Variants in PTPRT observed in about 807,000 individuals in gnomAD.
PTPRT encodes the protein receptor-type tyrosine-protein phosphatase T.
Under a neutral mutation model 176.8 loss-of-function variants are expected in PTPRT, and 56 were observed. The ratio of observed to expected loss-of-function variants is 0.32; its 90% CI spans 0.26 to 0.40. The LOEUF (loss-of-function observed/expected upper bound fraction) is 0.40. Among genes scored for constraint, PTPRT ranks in the 10% least tolerant of loss-of-function variants. The pLI, the probability that PTPRT is intolerant of heterozygous loss-of-function variation, is 1.00. For synonymous variants in PTPRT, 783 were observed against 739.0 expected (o/e 1.06, Z -0.96); for missense variants, 1,540 against 1,908.2 (o/e 0.81, Z 3.60).
chr20:42,420,030 C>A (rs1184231745), intron 9 of PTPRT, among the ~76,000 whole-genome samples: 1 of 152,096 alleles, frequency 6.6e-6, no homozygotes, highest in Non-Finnish European at 1.5e-5. Flanking sequence ...GGGGTGGGGA[C>A]CTGCTGACAC....
chr20:43,181,888 G>A (rs1021180943), intron 1 of PTPRT, among the ~76,000 whole-genome samples: 1 of 152,176 alleles, frequency 6.6e-6, no homozygotes, highest in African/African-American at 2.4e-5. Flanking sequence ...TCTCAAGGAG[G>A]TCTGGAGGTG....
the PTPRT span, among the ~76,000 whole-genome samples, chr20:42,039,885 C>A: frequency 6.6e-6 from 1 of 151,656 alleles, no homozygotes; most frequent in Non-Finnish European, 1.5e-5. Context: ...GTAAATAGTG[C>A]TGCAATAAAC....
chr20:42,103,210 G>A (rs761076038), intron 25 of PTPRT, among the ~76,000 whole-genome samples: 2 of 152,170 alleles, frequency 1.3e-5, no homozygotes, highest in Admixed American at 1.3e-4. Context: ...TCATGTCCAG[G>A]CTCCCTAGAC....
At chr20:42,134,770 A>C (rs1383809253) in intron 18 of PTPRT, among the ~76,000 whole-genome samples, 2 of 152,106 alleles carry the variant, frequency 1.3e-5, no homozygotes, top group East Asian at 3.9e-4. Context: ...AATTCCTGAA[A>C]ATTTAACAAT....
chr20:43,159,690 C>T (rs1356837365), intron 1 of PTPRT, among the ~76,000 whole-genome samples: 2 of 152,194 alleles, frequency 1.3e-5, no homozygotes, highest in African/African-American at 4.8e-5. Flanking sequence ...CTGCAGAGCA[C>T]TCCTTCCATA....
rs754582666 is a variant in PTPRT, at chr20:43,028,377, G to A, written c.89-142445C>T. Among the ~76,000 whole-genome samples the A allele has an allele frequency of 7.2e-5, 11 of 151,972 alleles. 1 individual carries two copies. The highest frequency in any genetic ancestry group is 1.0e-4 in the Non-Finnish European group (7 of 67,990). On this transcript the variant is annotated intron_variant, in intron 1 of 30. Coordinates refer to ENST00000373187, the MANE Select transcript of PTPRT (RefSeq NM_007050.6). ...CAATATTTTCCTAGTAACAAACTTG[G>A]TTCCCCTCCCACCTCCCAACTTCCC...
At chr20:42,470,244 T>C (rs2071169678) in intron 8 of PTPRT, among the ~76,000 whole-genome samples, 1 of 152,162 alleles carries the variant, frequency 6.6e-6, no homozygotes, top group African/African-American at 2.4e-5. Context: ...ACTGAAATTT[T>C]ACCTCTGAAT....
chr20:42,533,096 G>A (rs964481767), intron 7 of PTPRT, among the ~76,000 whole-genome samples: 1 of 152,088 alleles, frequency 6.6e-6, no homozygotes, highest in Non-Finnish European at 1.5e-5. Context: ...TCTTCCCTCC[G>A]CCAGGTTGCC....
At chr20:42,081,814 G>A (rs1983352543) in intron 30 of PTPRT, 68 bp downstream of exon 30, 2 of 1,565,426 alleles carry the variant, frequency 1.3e-6, no homozygotes, top group South Asian at 1.1e-5. Context: ...ACTATTTGAT[G>A]TCATTTTCTC....
intron 9 of PTPRT, among the ~76,000 whole-genome samples, chr20:42,414,934 A>G (rs2059051373): frequency 6.6e-6 from 1 of 152,206 alleles, no homozygotes; most frequent in East Asian, 1.9e-4. Flanking sequence ...GTGTTTGAAA[A>G]AGATAGCGGG....
At chr20:42,056,124 A>T in the PTPRT span, among the ~76,000 whole-genome samples, 1 of 152,090 alleles carries the variant, frequency 6.6e-6, no homozygotes, top group Non-Finnish European at 1.5e-5. Context: ...AATTGTATTG[A>T]GAGGAATTTA....
chr20:42,591,965 G>T (rs1430632196), intron 7 of PTPRT, among the ~76,000 whole-genome samples: 6 of 148,474 alleles, frequency 4.0e-5, no homozygotes, highest in East Asian at 2.0e-4. Flanking sequence ...TGGTCAGTTT[G>T]CTGGAGATTC....
At chr20:42,668,583 C>G (rs1477324078) in intron 7 of PTPRT, among the ~76,000 whole-genome samples, 1 of 152,030 alleles carries the variant, frequency 6.6e-6, no homozygotes, top group African/African-American at 2.4e-5. Flanking sequence ...GAGAGGGACT[C>G]CAATGGTGCC....
intron 2 of PTPRT, among the ~76,000 whole-genome samples, chr20:42,792,616 A>C (rs1441471735): frequency 1.3e-5 from 2 of 152,202 alleles, no homozygotes; most frequent in African/African-American, 2.4e-5. Context: ...ACTGCAGATA[A>C]ACTCAGTTGA....
rs779092071 is a variant in PTPRT at position 42,352,224 on chromosome 20, T to A, written c.1622A>T (p.Lys541Ile). Residue 541 changes from lysine (K) to isoleucine (I), a missense_variant, in exon 10 of 31, where the codon AAA becomes ATA. Around this residue, in one of 11 missense-constraint regions of PTPRT, gnomAD observed 136 missense variants for 135.0 expected, o/e 1.01. Coordinates refer to ENST00000373187, the MANE Select transcript of PTPRT (RefSeq NM_007050.6). ...PSADLSSQRG[K>I]VFKLRNETHH... ...GGTTTCATTCCGGAGCTTGAACACT[T>A]TCCCCCTCTGGCTCGAGAGGTCAGC... 6.2e-7 allele frequency: 1 copy of A among 1,614,144 alleles called. No individual in the cohort carries two copies.
At chr20:42,525,246 G>A (rs1011835522) in intron 7 of PTPRT, among the ~76,000 whole-genome samples, 5 of 152,078 alleles carry the variant, frequency 3.3e-5, no homozygotes, top group Admixed American at 3.3e-4. Flanking sequence ...TCAGCCTCCC[G>A]AAGTGCTAGG....
intron 1 of PTPRT, among the ~76,000 whole-genome samples, chr20:42,949,171 C>T (rs1206728987): frequency 6.6e-6 from 1 of 152,236 alleles, no homozygotes; most frequent in Non-Finnish European, 1.5e-5. Context: ...CCTCCCTGGA[C>T]ATGCAAGTCA....
chr20:42,831,797 A>G (rs1320375410), intron 2 of PTPRT, among the ~76,000 whole-genome samples: 1 of 152,244 alleles, frequency 6.6e-6, no homozygotes, highest in East Asian at 1.9e-4. Flanking sequence ...TGATCATTAG[A>G]GAAATGATGC....
chr20:43,019,216 G>A (rs1397903848), intron 1 of PTPRT, among the ~76,000 whole-genome samples: 1 of 152,168 alleles, frequency 6.6e-6, no homozygotes, highest in East Asian at 1.9e-4. Flanking sequence ...TGGATTAAGG[G>A]ATACTCAGAT....
Sources: allele counts gnomAD v4.1 joint callset (sites outside exome capture counted in the v4.1 genomes callset), GRCh38; gene constraint gnomAD v4.1.1; regional missense constraint gnomAD v4.1.1; transcripts MANE v1.5; gene names NCBI Gene and HGNC (gene_info 2026-07-23, HGNC 2026-07-21).